The following ERGIC1 variants were observed in gnomAD, a reference collection of about 807,000 sequenced individuals.
ERGIC1 encodes the protein endoplasmic reticulum-golgi intermediate compartment 1.
Under a neutral mutation model 38.3 loss-of-function variants are expected in ERGIC1, and 19 were observed. The ratio of observed to expected loss-of-function variants is 0.50; its 90% confidence interval spans 0.35 to 0.73. The LOEUF is 0.73. ERGIC1 is among the 30% of genes least tolerant of loss of function. The pLI is 0.01. For missense variants in ERGIC1, 294 were observed against 389.2 expected (o/e 0.76, Z 2.06); for synonymous variants, 124 against 157.6 (o/e 0.79, Z 1.60).
At chr5:172,911,248 C>A (rs558427018) in intron 4 of ERGIC1, among the ~76,000 whole-genome samples, 2 of 152,198 alleles carry the variant, frequency 1.3e-5, no homozygotes, top group Non-Finnish European at 2.9e-5. Flanking sequence ...CCTCGCTGGG[C>A]CCCAAGCCAG....
intron 2 of ERGIC1, among the ~76,000 whole-genome samples, chr5:172,896,027 T>G (rs1053597067): frequency 4.6e-5 from 7 of 151,974 alleles, no homozygotes; most frequent in African/African-American, 1.5e-4. Context: ...CCCAGAACTC[T>G]GTTCTACACT....
At chr5:172,904,791 A>G (rs73803658) in intron 3 of ERGIC1, among the ~76,000 whole-genome samples, 2,014 of 152,254 alleles carry the variant, frequency 0.013, 52 homozygotes, top group African/African-American at 0.046. Flanking sequence ...ACGAAGGCGA[A>G]GGCGGCTTTA....
In ERGIC1 at chr5:172,884,255, T is replaced by TTG. The variant is rs1554109386; in HGVS notation, c.21-4443_21-4442insGT. The stretch of plus-strand genomic sequence containing the variant: ...AGTGGGAACCCCAAGTTTTTTTTTT[T>TTG]TTTTTTTTTTTTTTTAAAGACAGGG... On this transcript the variant is annotated intron_variant, in intron 1 of 9. Coordinates refer to ENST00000393784, the MANE Select transcript of ERGIC1 (RefSeq NM_001031711.3). Among the ~76,000 whole-genome samples, 85 of 122,992 alleles carry TTG rather than the reference T, an allele frequency of 6.9e-4. 1 individual carries two copies. The highest frequency in any genetic ancestry group is 1.8e-3 in the South Asian group (6 of 3,260). The allele number at this position is 122,992 out of a possible 152,430, so 80.7% of individuals were successfully genotyped here.
Position 172,834,347 on chromosome 5 carries a change from G to C in ERGIC1, c.-67G>C. ...GGCGGCCGGAGGAGGCGTTGGCAGC[G>C]GGCTCGGACCCACGCGGCGCCGCGG... On this transcript the variant is annotated 5_prime_UTR_variant, in exon 1 of 10. Coordinates refer to ENST00000393784, the MANE Select transcript of ERGIC1 (RefSeq NM_001031711.3). This position sits in a 1 kb window ranked among gnomAD's most constrained non-coding sequence, Gnocchi z 4.1. 3.3e-6 allele frequency: 4 copies of C among 1,213,254 alleles called. No individual in the cohort carries two copies. Among genetic ancestry groups the C allele is most frequent in the Non-Finnish European group, 4.1e-6 (4 of 976,064 alleles). 75.2% of individuals were successfully genotyped at this position (1,213,254 alleles called of 1,614,324 possible). A position where few individuals can be genotyped will look rare whatever the true frequency, so the allele number is the denominator to read the frequency against.
At position 172,932,215 on chromosome 5, in the gene ERGIC1, T is replaced by G. The variant is rs570268113; in HGVS notation, c.542-221T>G. ...TGGACATTTGGGTTGTTTCCAGAAT[T>G]TTAATGATGTGCACAGTGCAGGAGG... On this transcript the variant is annotated intron_variant, in intron 7 of 9. Coordinates refer to ENST00000393784, the MANE Select transcript of ERGIC1 (RefSeq NM_001031711.3). Among the ~76,000 whole-genome samples, 5 of 152,338 alleles carry G rather than the reference T, an allele frequency of 3.3e-5. No homozygotes were observed. The East Asian group carries it at 7.7e-4, about 24-fold the overall frequency.
intron 3 of ERGIC1, among the ~76,000 whole-genome samples, chr5:172,900,106 TC>T (rs1192844639): frequency 2.0e-5 from 3 of 152,122 alleles, no homozygotes; most frequent in African/African-American, 7.2e-5. Context: ...TCCCAGCTCA[TC>T]CCACATGAGG....
chr5:172,867,454 C>A (rs546698961), intron 1 of ERGIC1: 2 of 400,342 alleles, frequency 5.0e-6, no homozygotes, highest in Non-Finnish European at 1.0e-5. Flanking sequence ...CCTTGGAGGC[C>A]GCAAGAACAA....
At chr5:172,862,497 C>T (rs1031119915) in intron 1 of ERGIC1, among the ~76,000 whole-genome samples, 3 of 151,962 alleles carry the variant, frequency 2.0e-5, no homozygotes, top group Non-Finnish European at 4.4e-5. Context: ...AGGTGGATGC[C>T]CTTCAGCTGT....
chr5:172,941,332 G>A (rs977833199), intron 9 of ERGIC1, among the ~76,000 whole-genome samples: 1 of 152,134 alleles, frequency 6.6e-6, no homozygotes, highest in South Asian at 2.1e-4. Context: ...CCCTTATTAA[G>A]CACCTACTAT....
chr5:172,870,274 T>G (rs1346985810), intron 1 of ERGIC1, among the ~76,000 whole-genome samples: 1 of 152,166 alleles, frequency 6.6e-6, no homozygotes, highest in Non-Finnish European at 1.5e-5. Flanking sequence ...GATTTCTGGT[T>G]TCACTTAACG....
intron 5 of ERGIC1, chr5:172,915,456 G>T (rs1489927294): frequency 1.4e-5 from 6 of 415,738 alleles, no homozygotes; most frequent in Non-Finnish European, 3.1e-5. Flanking sequence ...GATGAGGTGG[G>T]CTTGAAAGTA....
At chr5:172,946,785 G>A (rs1764131848) in intron 9 of ERGIC1, among the ~76,000 whole-genome samples, 1 of 152,134 alleles carries the variant, frequency 6.6e-6, no homozygotes, top group African/African-American at 2.4e-5. Context: ...CCTACTGACT[G>A]CCAGTGTGTC....
intron 9 of ERGIC1, among the ~76,000 whole-genome samples, chr5:172,948,495 G>A (rs1321732387): frequency 1.3e-5 from 2 of 152,188 alleles, no homozygotes; most frequent in African/African-American, 2.4e-5. Context: ...CCACACAACT[G>A]TTTATTTCTT....
intron 5 of ERGIC1, among the ~76,000 whole-genome samples, chr5:172,920,746 C>A (rs889733734): frequency 2.0e-5 from 3 of 152,188 alleles, no homozygotes; most frequent in Admixed American, 6.5e-5. Context: ...GAGCACGCGG[C>A]CCAGGCCCCA....
At chr5:172,914,554 G>A (rs1296001677) in intron 4 of ERGIC1, 160 bp from the exon 5 acceptor site, 2 of 1,186,988 alleles carry the variant, frequency 1.7e-6, no homozygotes, top group South Asian at 2.6e-5. Flanking sequence ...TCATTGTCCT[G>A]TCCCCTGTAG....
chr5:172,945,877 G>T (rs1261287514), intron 9 of ERGIC1, among the ~76,000 whole-genome samples: 2 of 152,116 alleles, frequency 1.3e-5, no homozygotes, highest in Admixed American at 6.5e-5. Context: ...TAAAAACAGG[G>T]TTTCACCAAG....
At chr5:172,935,039 G>A in intron 8 of ERGIC1, 149 bp from the exon 9 acceptor site, 1 of 1,129,630 alleles carries the variant, frequency 8.9e-7, no homozygotes, top group South Asian at 1.4e-5. Flanking sequence ...GGGAAGGGAT[G>A]TGAGAGAGGG....
chr5:172,837,222 G>T lies in ERGIC1; in HGVS notation c.20+2789G>T, dbSNP rs1244936239. On this transcript the variant is annotated intron_variant, in intron 1 of 9. Transcript: ENST00000393784. This position sits in a 1 kb window ranked among gnomAD's most constrained non-coding sequence, Gnocchi z 4.3. ...ACTTCTGATTTTCTTACTGCCTGTAGAGCCTGGTGCAACTGAGTTCTGTGT... is the reference window on the plus strand; with the variant it reads ...ACTTCTGATTTTCTTACTGCCTGTATAGCCTGGTGCAACTGAGTTCTGTGT... Among the ~76,000 whole-genome samples, 5 of 152,304 alleles carry T rather than the reference G, an allele frequency of 3.3e-5. No individual in the cohort carries two copies. Among genetic ancestry groups the T allele is most frequent in the African/African-American group, 1.2e-4 (5 of 41,564 alleles).
intron 1 of ERGIC1, among the ~76,000 whole-genome samples, chr5:172,840,619 G>A (rs79926900): frequency 1.3e-5 from 2 of 152,144 alleles, no homozygotes; most frequent in East Asian, 3.9e-4. Flanking sequence ...GGAGGCTGGG[G>A]CGTGGAGTTC....
Sources: gnomAD v4.1 joint callset for allele counts (sites outside exome capture counted in the v4.1 genomes callset) on GRCh38, gnomAD v4.1.1 for gene constraint, Gnocchi (gnomAD v3.1) non-coding constraint, MANE v1.5 for transcripts, NCBI Gene and HGNC (gene_info 2026-07-23, HGNC 2026-07-21) for gene names.